The following KAT7 variants were observed in gnomAD, a reference collection of about 807,000 sequenced individuals.
KAT7 encodes the protein histone acetyltransferase KAT7.
A neutral mutation model predicts 82.1 loss-of-function variants in KAT7; 10 were observed. The observed-to-expected ratio is 0.12, with a 90% CI of 0.08 to 0.21. The LOEUF (loss-of-function observed/expected upper bound fraction) is 0.21. KAT7 is among the 10% of genes least tolerant of loss of function. KAT7 has a pLI of 1.00. For synonymous variants in KAT7, 250 were observed against 262.5 expected (o/e 0.95, Z 0.46); for missense variants, 378 against 760.9 (o/e 0.50, Z 5.92).
In KAT7 at chr17:49,832,738, T is replaced by G. The variant is rs1391255146; in HGVS notation, c.*5236T>G. 1 of 152,264 alleles carries G rather than the reference T, an allele frequency of 6.6e-6. No individual in the cohort carries two copies. Among genetic ancestry groups the G allele is most frequent in the Non-Finnish European group, 1.5e-5 (1 of 68,058 alleles). The allele number at this position is 152,264 out of a possible 1,614,324, so 9.4% of individuals were successfully genotyped here. ...CAGCATTAGTTTCCTCTACCTCTTG[T>G]GTCTCACAGGTGCACATATGTACAG... On this transcript the variant is annotated 3_prime_UTR_variant, in exon 15 of 15. Transcript: ENST00000259021.
At chr17:49,808,429 T>TTTTC (rs573085643) in intron 5 of KAT7, among the ~76,000 whole-genome samples, 1,650 of 146,506 alleles carry the variant, frequency 0.011, 28 homozygotes, top group African/African-American at 0.037. Flanking sequence ...CAAGCCCAGG[T>TTTTC]TTTCTTTCTT....
At chr17:49,823,903 G>T (rs2074336095) in intron 12 of KAT7, among the ~76,000 whole-genome samples, 2 of 152,112 alleles carry the variant, frequency 1.3e-5, no homozygotes, top group Non-Finnish European at 2.9e-5. Context: ...AATGCCACAT[G>T]GTTTTCGCCT....
At chr17:49,804,652 A>C (rs904921087) in intron 4 of KAT7, among the ~76,000 whole-genome samples, 1 of 152,200 alleles carries the variant, frequency 6.6e-6, no homozygotes, top group African/African-American at 2.4e-5. Flanking sequence ...GTGAGCCTGT[A>C]GTCCCAGCTA....
chr17:49,834,040 T>C lies in KAT7; in HGVS notation c.*6538T>C, dbSNP rs1185178152. On this transcript the variant is annotated 3_prime_UTR_variant, in exon 15 of 15. Transcript: ENST00000259021. ...TTGGTTATTTATCGTGTCTTCGCTG[T>C]CAGTCAAATTGCTTCTGAGATAACT... The C allele has an allele frequency of 6.6e-6, 1 of 152,218 alleles. No individual in the cohort carries two copies. Among genetic ancestry groups the C allele is most frequent in the Non-Finnish European group, 1.5e-5 (1 of 68,024 alleles). The allele number at this position is 152,218 out of a possible 1,614,324, so 9.4% of individuals were successfully genotyped here.
At chr17:49,805,221 GC>G in intron 4 of KAT7, 141 bp from the exon 5 acceptor site, 1 of 608,156 alleles carries the variant, frequency 1.6e-6, no homozygotes, top group East Asian at 2.8e-5. Flanking sequence ...AGCCCTACCA[GC>G]CTTATGTTTG....
intron 7 of KAT7, among the ~76,000 whole-genome samples, chr17:49,814,048 C>T (rs2074203352): frequency 6.6e-6 from 1 of 152,046 alleles, no homozygotes; most frequent in Non-Finnish European, 1.5e-5. Context: ...TGGGCCACCA[C>T]ACCCAGCTGA....
At chr17:49,814,344 G>A (rs745481223) in intron 7 of KAT7, among the ~76,000 whole-genome samples, 19 of 152,260 alleles carry the variant, frequency 1.2e-4, no homozygotes, top group Non-Finnish European at 2.4e-4. Context: ...TTTAGTAGTG[G>A]GCTATAGGGT....
intron 12 of KAT7, among the ~76,000 whole-genome samples, chr17:49,824,986 G>C (rs1598090877): frequency 1.3e-5 from 2 of 151,612 alleles, no homozygotes; most frequent in East Asian, 3.9e-4. Context: ...GTGTGATTTT[G>C]TTCTTTTTTT....
At chr17:49,796,700 A>G (rs766417806) in intron 2 of KAT7, 50 bp from the exon 3 acceptor site, 2 of 1,459,308 alleles carry the variant, frequency 1.4e-6, no homozygotes, top group Non-Finnish European at 1.9e-6. Context: ...GATAGGAAGT[A>G]AAACAGATTT....
chr17:49,814,757 TGCGTAGAACCCAA>T (rs2074213042), intron 7 of KAT7, among the ~76,000 whole-genome samples: 1 of 152,058 alleles, frequency 6.6e-6, no homozygotes, highest in African/African-American at 2.4e-5. Flanking sequence ...AAATAACTAA[TGCGTAGAACCCAA>T]ATCTTAGATG....
At chr17:49,808,191 A>AGC (rs1340553656) in intron 5 of KAT7, among the ~76,000 whole-genome samples, 1 of 135,504 alleles carries the variant, frequency 7.4e-6, no homozygotes, top group Non-Finnish European at 1.5e-5. Flanking sequence ...GTGCAATCTC[A>AGC]GCTCACTGCA....
chr17:49,825,926 G>A, intron 12 of KAT7, 74 bp from the exon 13 acceptor site: 1 of 1,480,644 alleles, frequency 6.8e-7, no homozygotes. Flanking sequence ...CTTCTTCCAT[G>A]TTGGCACACA....
At chr17:49,815,750 A>G in intron 7 of KAT7, 53 bp from the exon 8 acceptor site, 1 of 1,073,120 alleles carries the variant, frequency 9.3e-7, no homozygotes, top group Non-Finnish European at 1.4e-6. Context: ...ATAGATTAAA[A>G]AGTTCTTAGA....
intron 7 of KAT7, among the ~76,000 whole-genome samples, chr17:49,814,373 C>A (rs1157009335): frequency 6.6e-6 from 1 of 152,120 alleles, no homozygotes; most frequent in Non-Finnish European, 1.5e-5. Context: ...GTTTGCTTGC[C>A]CCAGTCTTGT....
At chr17:49,801,233 C>T (rs1253933579) in intron 4 of KAT7, among the ~76,000 whole-genome samples, 1 of 152,148 alleles carries the variant, frequency 6.6e-6, no homozygotes, top group Non-Finnish European at 1.5e-5. Context: ...AATTACCAGG[C>T]TGGAGTACAG....
intron 9 of KAT7, among the ~76,000 whole-genome samples, chr17:49,820,096 C>T (rs764881320): frequency 1.3e-5 from 2 of 152,122 alleles, no homozygotes; most frequent in Non-Finnish European, 2.9e-5. Flanking sequence ...TGCTTCAAAA[C>T]CCTTTTGAAA....
At chr17:49,815,472 G>A (rs1222646024) in intron 7 of KAT7, 1 of 180,382 alleles carries the variant, frequency 5.5e-6, no homozygotes, top group African/African-American at 2.4e-5. Flanking sequence ...TGGGTTTGTT[G>A]TACTTTATTT....
In KAT7 at chr17:49,831,164, T is replaced by TA. The variant is rs1187852680; in HGVS notation, c.*3663dup. ...GTGGGCACATGCCTGTAGTCTCAGC[T>TA]ACTTGGGAGGCTGAGGCACGAGAAT... On this transcript the variant is annotated 3_prime_UTR_variant, in exon 15 of 15. Transcript: ENST00000259021. 4 of 152,200 alleles carry TA rather than the reference T, an allele frequency of 2.6e-5. No individual in the cohort carries two copies. Among genetic ancestry groups the TA allele is most frequent in the African/African-American group, 9.7e-5 (4 of 41,430 alleles). 9.4% of individuals were successfully genotyped at this position (152,200 alleles called of 1,614,324 possible). A position where few individuals can be genotyped will look rare whatever the true frequency, so the allele number is the denominator to read the frequency against.
chr17:49,806,605 T>C (rs1268379608), intron 5 of KAT7, among the ~76,000 whole-genome samples: 1 of 152,226 alleles, frequency 6.6e-6, no homozygotes, highest in Non-Finnish European at 1.5e-5. Context: ...CCCTGCTTTT[T>C]GAGAGTTGTC....
Sources: allele counts gnomAD v4.1 joint callset (sites outside exome capture counted in the v4.1 genomes callset), GRCh38; gene constraint gnomAD v4.1.1; transcripts MANE v1.5; gene names NCBI Gene and HGNC (gene_info 2026-07-23, HGNC 2026-07-21).